Variants in FNDC1 observed in about 807,000 individuals in gnomAD.
FNDC1 encodes fibronectin type III domain-containing protein 1.
In FNDC1, 96 loss-of-function variants were observed where a neutral mutation model predicts 168.0. That is an observed-to-expected ratio of 0.57 (90% CI 0.48 to 0.68). The LOEUF (loss-of-function observed/expected upper bound fraction) is 0.68. FNDC1 is among the 30% of genes least tolerant of loss of function. The pLI is 0.00. For synonymous variants in FNDC1, 1,099 were observed against 1,025.9 expected, an observed-to-expected ratio of 1.07 and a Z score of -1.36; for missense variants, 2,587 against 2,482.1, an observed-to-expected ratio of 1.04 and a Z score of -0.90.
chr6:159,202,886 A>T (rs1486830932), intron 4 of FNDC1, among the ~76,000 whole-genome samples: 1 of 152,254 alleles, frequency 6.6e-6, no homozygotes, highest in Non-Finnish European at 1.5e-5. Flanking sequence ...GGCTGCCATA[A>T]CAAAATGCCA....
chr6:159,204,329 C>T (rs1308923059), intron 4 of FNDC1, among the ~76,000 whole-genome samples: 2 of 152,142 alleles, frequency 1.3e-5, no homozygotes, highest in African/African-American at 2.4e-5. Flanking sequence ...ATATTCTCAC[C>T]TCCTGGCTCT....
At chr6:159,249,004 C>A (rs373304437) in intron 15 of FNDC1, 35 bp from the exon 16 acceptor site, 4 of 1,568,082 alleles carry the variant, frequency 2.6e-6, no homozygotes, top group Non-Finnish European at 2.6e-6. Flanking sequence ...CCTTTTCTGG[C>A]AGTGCCCAAT....
At chr6:159,198,596 G>A (rs1782302637) in intron 2 of FNDC1, among the ~76,000 whole-genome samples, 1 of 152,170 alleles carries the variant, frequency 6.6e-6, no homozygotes, top group African/African-American at 2.4e-5. Context: ...GAAGTTAAAT[G>A]GAGATTCTAT....
chr6:159,198,697 T>G (rs1287890441), intron 2 of FNDC1, among the ~76,000 whole-genome samples: 1 of 151,870 alleles, frequency 6.6e-6, no homozygotes, highest in African/African-American at 2.4e-5. Flanking sequence ...GAAAAGAGAG[T>G]CGTAGAGCTC....
At chr6:159,234,927 T>C (rs142489131) in intron 11 of FNDC1, among the ~76,000 whole-genome samples, 3 of 152,366 alleles carry the variant, frequency 2.0e-5, no homozygotes, top group Non-Finnish European at 4.4e-5. Flanking sequence ...GTTTAAGGGA[T>C]CCATAGAAGC....
At chr6:159,225,191 A>ACACACACACACT (rs2114980474) in intron 7 of FNDC1, among the ~76,000 whole-genome samples, 1 of 110,960 alleles carries the variant, frequency 9.0e-6, no homozygotes, top group East Asian at 4.7e-4. Flanking sequence ...ACACACACAC[A>ACACACACACACT]CACGCACAGT....
chr6:159,245,033 CAA>C (rs1180434537), intron 14 of FNDC1, among the ~76,000 whole-genome samples: 5 of 152,116 alleles, frequency 3.3e-5, no homozygotes, highest in African/African-American at 9.7e-5. Context: ...TGGTGGCAGG[CAA>C]GAGAGAGAGA....
intron 1 of FNDC1, among the ~76,000 whole-genome samples, chr6:159,183,888 T>C (rs142332446): frequency 2.0e-5 from 3 of 152,246 alleles, no homozygotes; most frequent in Non-Finnish European, 4.4e-5. Flanking sequence ...TCATGTGTCC[T>C]TATGAATTCA....
At chr6:159,202,749 G>T (rs552369438) in intron 4 of FNDC1, among the ~76,000 whole-genome samples, 16 of 152,130 alleles carry the variant, frequency 1.1e-4, no homozygotes, top group Non-Finnish European at 1.9e-4. Context: ...TATTACAGGC[G>T]GAGGTCTAGG....
chr6:159,253,715 A>T (rs1331532984), intron 17 of FNDC1, among the ~76,000 whole-genome samples: 4 of 152,196 alleles, frequency 2.6e-5, no homozygotes, highest in African/African-American at 7.2e-5. Flanking sequence ...ACTGGTTTTG[A>T]TGAGAACAAC....
rs779321547 is a variant in FNDC1, at chr6:159,234,369, C to T, written c.3857C>T (p.Pro1286Leu). The T allele has an allele frequency of 1.1e-5, 17 of 1,612,588 alleles. No individual in the cohort carries two copies. Among genetic ancestry groups the T allele is most frequent in the East Asian group, 2.2e-5 (1 of 44,854 alleles). ...HPWPQYTTRA[P>L]PGHFSTTPML... ...TGGCCGCAGTACACCACGCGCGCCC[C>T]ACCTGGCCACTTCTCCACCACCCCG... The change falls in exon 11 of 23, where the codon CCA becomes CTA. Residue 1286 changes from proline (P) to leucine (L), a missense_variant. Pro to Leu is a moderately conservative substitution (Grantham distance 98). Transcript: ENST00000297267.
chr6:159,173,342 G>A (rs1456724396), intron 1 of FNDC1, among the ~76,000 whole-genome samples: 9 of 152,162 alleles, frequency 5.9e-5, no homozygotes, highest in Admixed American at 3.9e-4. Context: ...TTAGAAGCTC[G>A]CCTGTGGCTC....
At position 159,200,499 on chromosome 6, in the gene FNDC1, T is replaced by C. The variant is rs758776744; in HGVS notation, c.392-14T>C. 5.7e-6 allele frequency: 9 copies of C among 1,589,142 alleles called. No individual in the cohort carries two copies. Among genetic ancestry groups the C allele is most frequent in the Non-Finnish European group, 7.7e-6 (9 of 1,165,824 alleles). ...CCTCGTTTCTAACTATCAAGTTGCA[T>C]TTCCCTAATTTAGGAGGTGAATGGA... On this transcript the variant is annotated splice_polypyrimidine_tract_variant and intron_variant, in intron 3 of 22. Coordinates refer to ENST00000297267, the MANE Select transcript of FNDC1 (RefSeq NM_032532.3).
chr6:159,268,559 C>G (rs1260811509), intron 22 of FNDC1, among the ~76,000 whole-genome samples: 1 of 152,148 alleles, frequency 6.6e-6, no homozygotes, highest in African/African-American at 2.4e-5. Flanking sequence ...ATCTCTCTCT[C>G]TATCTATCCA....
At chr6:159,257,870 A>G (rs1228123903) in intron 18 of FNDC1, among the ~76,000 whole-genome samples, 1 of 151,938 alleles carries the variant, frequency 6.6e-6, no homozygotes, top group Admixed American at 6.6e-5. Flanking sequence ...TAGAGAAAAC[A>G]AAACCAACAA....
Position 159,232,365 on chromosome 6 carries a change from C to G in FNDC1, c.1853C>G (p.Ala618Gly). 6.2e-7 allele frequency: 1 copy of G among 1,613,590 alleles called. No homozygotes were observed. The highest frequency in any genetic ancestry group is 8.5e-7 in the Non-Finnish European group (1 of 1,179,694). Reference sequence around the variant, plus strand: ...CCAGGGGCGCCCCCCTCGGCTTCGGCCTCTCCTGCCCACCACGCGTCCACC... The same window carrying G: ...CCAGGGGCGCCCCCCTCGGCTTCGGGCTCTCCTGCCCACCACGCGTCCACC... ...PRPGAPPSAS[A>G]SPAHHASTQG... The change falls in exon 11 of 23, where the codon GCC becomes GGC. Residue 618 changes from alanine (A) to glycine (G), a missense_variant. By Grantham distance (60) the Ala-to-Gly change is moderately conservative (BLOSUM62 0). Transcript: ENST00000297267. The surrounding 1 kb of genome is among the most constrained non-coding windows in gnomAD (Gnocchi z 4.9).
intron 1 of FNDC1, among the ~76,000 whole-genome samples, chr6:159,171,743 GT>G (rs1781666113): frequency 6.6e-6 from 1 of 152,194 alleles, no homozygotes; most frequent in African/African-American, 2.4e-5. Context: ...GGCCTTGCCA[GT>G]CTGGTATGAT....
At chr6:159,248,993 TC>T in intron 15 of FNDC1, 45 bp from the exon 16 acceptor site, 1 of 1,556,292 alleles carries the variant, frequency 6.4e-7, no homozygotes, top group Non-Finnish European at 8.7e-7. Context: ...TAGACAGTGC[TC>T]CTTTTCTGGC....
chr6:159,227,142 A>C (rs1331808905), intron 9 of FNDC1, among the ~76,000 whole-genome samples: 5 of 152,248 alleles, frequency 3.3e-5, no homozygotes. Context: ...AAACATTCAC[A>C]ACTAGTTAAA....
Sources: gnomAD v4.1 joint callset for allele counts (sites outside exome capture counted in the v4.1 genomes callset) on GRCh38, gnomAD v4.1.1 for gene constraint, Gnocchi (gnomAD v3.1) non-coding constraint, MANE v1.5 for transcripts, NCBI Gene and HGNC (gene_info 2026-07-23, HGNC 2026-07-21) for gene names.